VPS13B: variants seen among roughly 807,000 people sequenced by gnomAD.
The protein encoded by VPS13B is vacuolar protein sorting 13 homolog B, also known as intermembrane lipid transfer protein VPS13B.
A neutral mutation model predicts 426.4 loss-of-function variants in VPS13B; 285 were observed. The ratio of observed to expected loss-of-function variants is 0.67; its 90% CI spans 0.61 to 0.74. The LOEUF is 0.74. Among genes scored for constraint, VPS13B ranks in the 30% least tolerant of loss-of-function variants. VPS13B has a pLI of 0.00. For missense variants in VPS13B, 4,537 were observed against 4,782.6 expected, an observed-to-expected ratio of 0.95 and a Z score of 1.51; for synonymous variants, 1,676 against 1,676.4, an observed-to-expected ratio of 1.00 and a Z score of 0.01.
chr8:99,746,657 G>C (rs1244051842), intron 39 of VPS13B, among the ~76,000 whole-genome samples: 1 of 152,156 alleles, frequency 6.6e-6, no homozygotes, highest in Non-Finnish European at 1.5e-5. Context: ...CATGTAGCTA[G>C]TAAGTGAGCC....
intron 23 of VPS13B, among the ~76,000 whole-genome samples, chr8:99,451,850 C>G (rs1471016184): frequency 6.6e-6 from 1 of 152,130 alleles, no homozygotes; most frequent in Non-Finnish European, 1.5e-5. Flanking sequence ...TACTGGTGTA[C>G]CCTGTATCAA....
chr8:99,280,403 T>G (rs1486230413), intron 19 of VPS13B, among the ~76,000 whole-genome samples: 2 of 152,224 alleles, frequency 1.3e-5, no homozygotes, highest in Admixed American at 1.3e-4. Context: ...TATTTATATA[T>G]GTCCTTACCA....
At chr8:99,609,521 A>C (rs11785240) in intron 33 of VPS13B, among the ~76,000 whole-genome samples, 3,253 of 152,248 alleles carry the variant, frequency 0.021, 53 homozygotes, top group Middle Eastern at 0.071. Context: ...CCCAATTTGG[A>C]GGAACTGTAG....
intron 33 of VPS13B, among the ~76,000 whole-genome samples, chr8:99,583,739 G>T (rs545887739): frequency 6.6e-6 from 1 of 152,174 alleles, no homozygotes; most frequent in South Asian, 2.1e-4. Flanking sequence ...GATGTCTTCT[G>T]GAATAGAATT....
intron 19 of VPS13B, among the ~76,000 whole-genome samples, chr8:99,327,785 T>A (rs1192095512): frequency 6.6e-6 from 1 of 152,188 alleles, no homozygotes; most frequent in Admixed American, 6.6e-5. Flanking sequence ...TTGTATGATT[T>A]CTATCTGTAT....
At chr8:99,724,819 A>G (rs1419792677) in intron 39 of VPS13B, among the ~76,000 whole-genome samples, 1 of 152,092 alleles carries the variant, frequency 6.6e-6, no homozygotes, top group Non-Finnish European at 1.5e-5. Context: ...GAACAAATAG[A>G]TTGTATAATT....
At chr8:99,056,610 C>A (rs187277929) in intron 3 of VPS13B, among the ~76,000 whole-genome samples, 1 of 152,146 alleles carries the variant, frequency 6.6e-6, no homozygotes, top group African/African-American at 2.4e-5. Context: ...TTATCTTTGA[C>A]GGAATGCTTT....
Position 99,418,436 on chromosome 8 carries a change from A to G in VPS13B, c.3083-13101A>G, listed in dbSNP as rs574987201. On this transcript the variant is annotated intron_variant, in intron 21 of 61. Coordinates refer to ENST00000357162, the MANE Select transcript of VPS13B (RefSeq NM_152564.5). ...ACCATATAGCAATAGATATATGAAC[A>G]GTTAACACTTTATCATAGTTTTCTT... 3.9e-5 allele frequency among the ~76,000 whole-genome samples: 6 copies of G among 151,910 alleles called. No homozygotes were observed. In the East Asian group the frequency reaches 7.7e-4, roughly 20 times the overall value.
At chr8:99,656,043 G>A (rs1266412426) in intron 34 of VPS13B, among the ~76,000 whole-genome samples, 2 of 152,168 alleles carry the variant, frequency 1.3e-5, no homozygotes, top group Non-Finnish European at 2.9e-5. Context: ...ATTCATCTGG[G>A]AACTGAGTTG....
chr8:99,320,403 T>G (rs962433903), intron 19 of VPS13B, among the ~76,000 whole-genome samples: 5 of 152,218 alleles, frequency 3.3e-5, no homozygotes, highest in Non-Finnish European at 5.9e-5. Context: ...AATTTCTTCC[T>G]CTTCTTCAAT....
chr8:99,297,008 A>G (rs1010597334), intron 19 of VPS13B, among the ~76,000 whole-genome samples: 1 of 151,028 alleles, frequency 6.6e-6, no homozygotes, highest in African/African-American at 2.4e-5. Flanking sequence ...TTGTGTATTT[A>G]TATATATATA....
At chr8:99,148,390 A>G (rs570239910) in intron 14 of VPS13B, among the ~76,000 whole-genome samples, 1 of 130,494 alleles carries the variant, frequency 7.7e-6, no homozygotes, top group Non-Finnish European at 1.6e-5. Context: ...AAAAGATAAA[A>G]GTATCTGCTT....
At chr8:99,711,127 T>C (rs1474699125) in intron 36 of VPS13B, among the ~76,000 whole-genome samples, 2 of 152,208 alleles carry the variant, frequency 1.3e-5, no homozygotes, top group Non-Finnish European at 2.9e-5. Context: ...ACTTAAAAGC[T>C]GATATTTGTG....
chr8:99,041,942 TA>T (rs1331530077), intron 3 of VPS13B, among the ~76,000 whole-genome samples: 2 of 151,856 alleles, frequency 1.3e-5, no homozygotes, highest in African/African-American at 4.8e-5. Flanking sequence ...ACCTGGAACA[TA>T]AATGTTAAAT....
chr8:99,236,286 G>A (rs1816644866), intron 17 of VPS13B, among the ~76,000 whole-genome samples: 1 of 150,484 alleles, frequency 6.6e-6, no homozygotes, highest in African/African-American at 2.5e-5. Context: ...ATCTTGCTCT[G>A]CTGCCCGGGC....
intron 35 of VPS13B, among the ~76,000 whole-genome samples, chr8:99,686,864 G>A (rs1308817525): frequency 1.3e-5 from 2 of 152,046 alleles, no homozygotes; most frequent in Non-Finnish European, 2.9e-5. Flanking sequence ...CTGTGGGCTA[G>A]CTGGTACCTA....
chr8:99,020,998 A>G (rs752245546), intron 2 of VPS13B, among the ~76,000 whole-genome samples: 1 of 152,142 alleles, frequency 6.6e-6, no homozygotes, highest in Non-Finnish European at 1.5e-5. Flanking sequence ...TTAGACTTTT[A>G]TTTCTGGTGT....
intron 30 of VPS13B, among the ~76,000 whole-genome samples, chr8:99,537,087 T>C (rs1823286404): frequency 6.6e-6 from 1 of 152,184 alleles, no homozygotes; most frequent in South Asian, 2.1e-4. Context: ...ATCCTTTTTT[T>C]CAAATAATAA....
intron 23 of VPS13B, among the ~76,000 whole-genome samples, chr8:99,458,835 G>A (rs1818671060): frequency 2.0e-5 from 3 of 152,122 alleles, no homozygotes; most frequent in South Asian, 4.1e-4. Context: ...TGTCAGATGA[G>A]TAGATTGCAA....
Sources: gnomAD v4.1 joint callset for allele counts (sites outside exome capture counted in the v4.1 genomes callset) on GRCh38, gnomAD v4.1.1 for gene constraint, MANE v1.5 for transcripts, NCBI Gene and HGNC (gene_info 2026-07-23, HGNC 2026-07-21) for gene names.